Variants in FLVCR2 observed in about 807,000 individuals in gnomAD.
The protein encoded by FLVCR2 is choline/ethanolamine transporter FLVCR2.
FLVCR2 carries 38 observed loss-of-function variants against 48.9 expected under a neutral mutation model. That is an observed-to-expected ratio of 0.78 (90% confidence interval 0.60 to 1.02). The LOEUF is 1.02. Among genes scored for constraint, FLVCR2 ranks in the 50% least tolerant of loss-of-function variants. FLVCR2 has a pLI of 0.00. For synonymous variants in FLVCR2, 255 were observed against 257.0 expected, an observed-to-expected ratio of 0.99 and a Z score of 0.07; for missense variants, 664 against 663.3, an observed-to-expected ratio of 1.00 and a Z score of -0.01.
intron 1 of FLVCR2, among the ~76,000 whole-genome samples, chr14:75,603,721 C>G (rs1262888077): frequency 6.6e-6 from 1 of 152,198 alleles, no homozygotes; most frequent in Non-Finnish European, 1.5e-5. Flanking sequence ...ATACTCCCCC[C>G]TTAGATGCTG....
At chr14:75,617,851 G>T (rs1889655190) in intron 1 of FLVCR2, among the ~76,000 whole-genome samples, 1 of 152,168 alleles carries the variant, frequency 6.6e-6, no homozygotes, top group Non-Finnish European at 1.5e-5. Context: ...TCATGTAAGG[G>T]ATTAGAGCAA....
At chr14:75,638,101 G>C (rs1890214907) in intron 5 of FLVCR2, among the ~76,000 whole-genome samples, 1 of 152,140 alleles carries the variant, frequency 6.6e-6, no homozygotes, top group African/African-American at 2.4e-5. Context: ...TTCTCTCTTA[G>C]TTCCTGCTCT....
intron 3 of FLVCR2, among the ~76,000 whole-genome samples, chr14:75,625,629 G>A (rs915808839): frequency 8.5e-5 from 13 of 152,056 alleles, no homozygotes; most frequent in Admixed American, 2.0e-4. Flanking sequence ...AAAACTAAGC[G>A]TTAGCAAATC....
intron 3 of FLVCR2, among the ~76,000 whole-genome samples, chr14:75,628,987 G>C (rs182354751): frequency 1.6e-4 from 25 of 152,336 alleles, no homozygotes; most frequent in Non-Finnish European, 3.2e-4. Context: ...TTCACTAAGA[G>C]GGGGAGTAAC....
rs2140059106 is a variant in FLVCR2 at position 75,646,607 on chromosome 14, C to A, written c.*135C>A. The A allele has an allele frequency of 1.4e-6, 1 of 718,902 alleles. No homozygotes were observed. Among genetic ancestry groups the A allele is most frequent in the East Asian group, 2.7e-5 (1 of 36,684 alleles). The allele number at this position is 718,902 out of a possible 1,614,324, so 44.5% of individuals were successfully genotyped here. A position where few individuals can be genotyped will look rare whatever the true frequency, so the allele number is the denominator to read the frequency against. ...GTGGGACTATTTGTGGCATGGATGG[C>A]CTATTCCTCCTAGAACCCACGTAAG... On this transcript the variant is annotated 3_prime_UTR_variant, in exon 10 of 10. Coordinates refer to ENST00000238667, the MANE Select transcript of FLVCR2 (RefSeq NM_017791.3).
chr14:75,579,333 T>C lies in FLVCR2; in HGVS notation c.361T>C (p.Phe121Leu). 6.2e-7 allele frequency: 1 copy of C among 1,614,208 alleles called. No individual in the cohort carries two copies. The highest frequency in any genetic ancestry group is 8.5e-7 in the Non-Finnish European group (1 of 1,180,016). Reference protein sequence around the residue: ...IFMHFYGVSAFAIDWLSMCYM... With the variant: ...IFMHFYGVSALAIDWLSMCYM... ...CATGCACTTCTACGGTGTCAGTGCCTTTGCCATTGACTGGCTGTCCATGTG... is the reference window on the plus strand; with the variant it reads ...CATGCACTTCTACGGTGTCAGTGCCCTTGCCATTGACTGGCTGTCCATGTG... The change falls in exon 1 of 10, where the codon TTT becomes CTT. Residue 121 changes from phenylalanine to leucine, a missense_variant. Phe to Leu is a conservative substitution (Grantham distance 22). Transcript: ENST00000238667.
intron 6 of FLVCR2, among the ~76,000 whole-genome samples, chr14:75,640,258 C>A (rs900794992): frequency 0.02 from 1,901 of 96,616 alleles, no homozygotes; most frequent in East Asian, 0.032. Flanking sequence ...GACTCCGTCT[C>A]AAAAAAAAAA....
chr14:75,634,169 G>T (rs1314825624), intron 4 of FLVCR2, among the ~76,000 whole-genome samples: 2 of 152,154 alleles, frequency 1.3e-5, no homozygotes, highest in African/African-American at 4.8e-5. Context: ...GGAATACTGA[G>T]TGGCCTGGAG....
chr14:75,602,151 G>A (rs1458148263), intron 1 of FLVCR2, among the ~76,000 whole-genome samples: 1 of 152,196 alleles, frequency 6.6e-6, no homozygotes, highest in Non-Finnish European at 1.5e-5. Flanking sequence ...TCAGCACCTG[G>A]ATGTGCTCAC....
chr14:75,597,748 T>G (rs1464466727), intron 1 of FLVCR2, among the ~76,000 whole-genome samples: 2 of 152,112 alleles, frequency 1.3e-5, no homozygotes, highest in Non-Finnish European at 2.9e-5. Context: ...TTTTCTATTT[T>G]TAGTAGAGAT....
chr14:75,624,447 G>A (rs1889845977), intron 2 of FLVCR2, among the ~76,000 whole-genome samples, 165 bp from the exon 3 acceptor site: 1 of 152,186 alleles, frequency 6.6e-6, no homozygotes, highest in Non-Finnish European at 1.5e-5. Flanking sequence ...ACAATGAGAA[G>A]CAGCTTCAAG....
rs191552254 is a variant in FLVCR2, at chr14:75,582,254, T to C, written c.669+2613T>C. 2.6e-5 allele frequency among the ~76,000 whole-genome samples: 4 copies of C among 152,230 alleles called. No homozygotes were observed. The East Asian group carries it at 7.7e-4, about 29-fold the overall frequency. On this transcript the variant is annotated intron_variant, in intron 1 of 9. Coordinates refer to ENST00000238667, the MANE Select transcript of FLVCR2 (RefSeq NM_017791.3). Reference sequence around the variant, plus strand: ...GCATTAATGATGGAGGACCCTTGCATAGTGAGGAAACCTCTTTCAGCCCAT... The same window carrying C: ...GCATTAATGATGGAGGACCCTTGCACAGTGAGGAAACCTCTTTCAGCCCAT...
intron 1 of FLVCR2, among the ~76,000 whole-genome samples, chr14:75,585,718 C>T (rs1478569238): frequency 1.3e-5 from 2 of 152,134 alleles, no homozygotes; most frequent in Non-Finnish European, 2.9e-5. Flanking sequence ...GCAGGCGTCC[C>T]CGCAATGATT....
chr14:75,579,377 C>G lies in FLVCR2; in HGVS notation c.405C>G (p.Ile135Met). The G allele has an allele frequency of 6.2e-7, 1 of 1,614,222 alleles. No homozygotes were observed. The highest frequency in any genetic ancestry group is 8.5e-7 in the Non-Finnish European group (1 of 1,180,040). Reference protein sequence around the residue: ...WLSMCYMLTYIPLLLPVAWLL... With the variant: ...WLSMCYMLTYMPLLLPVAWLL... Reference sequence around the variant, plus strand: ...CCATGTGCTACATGCTGACTTACATCCCTCTGCTCCTGCCAGTGGCTTGGC... The same window carrying G: ...CCATGTGCTACATGCTGACTTACATGCCTCTGCTCCTGCCAGTGGCTTGGC... Residue 135 changes from isoleucine (I) to methionine (M), a missense_variant, in exon 1 of 10, where the codon ATC (isoleucine) becomes ATG (methionine). Coordinates refer to ENST00000238667, the MANE Select transcript of FLVCR2 (RefSeq NM_017791.3).
chr14:75,633,015 A>G (rs1890083023), intron 3 of FLVCR2: 3 of 701,552 alleles, frequency 4.3e-6, no homozygotes, highest in Non-Finnish European at 7.8e-6. Context: ...TTATTCGCTA[A>G]AGATACAGCC....
chr14:75,631,158 G>A (rs907617280), intron 3 of FLVCR2, among the ~76,000 whole-genome samples: 28 of 152,342 alleles, frequency 1.8e-4, no homozygotes, highest in African/African-American at 6.5e-4. Flanking sequence ...CAGATTGGCA[G>A]CCCTCCAGGA....
chr14:75,614,861 G>A (rs969292100), intron 1 of FLVCR2, among the ~76,000 whole-genome samples: 1 of 152,178 alleles, frequency 6.6e-6, no homozygotes, highest in Non-Finnish European at 1.5e-5. Flanking sequence ...GTCTGAAGGA[G>A]GAACTGTCAA....
At chr14:75,596,094 G>C (rs1889012066) in intron 1 of FLVCR2, 2 of 1,073,878 alleles carry the variant, frequency 1.9e-6, no homozygotes, top group African/African-American at 3.1e-5. Flanking sequence ...CCAAATTTCT[G>C]TCTTAGGCAC....
At chr14:75,633,248 G>T (rs961220216) in intron 3 of FLVCR2, among the ~76,000 whole-genome samples, 1 of 152,152 alleles carries the variant, frequency 6.6e-6, no homozygotes, top group Non-Finnish European at 1.5e-5. Context: ...AAGGGGCAGG[G>T]TCATCAGGAA....
Sources: gnomAD v4.1 joint callset for allele counts (sites outside exome capture counted in the v4.1 genomes callset) on GRCh38, gnomAD v4.1.1 for gene constraint, MANE v1.5 for transcripts, NCBI Gene and HGNC (gene_info 2026-07-23, HGNC 2026-07-21) for gene names.